Variants in CSNK1G1 observed in about 807,000 individuals in gnomAD.
CSNK1G1 encodes the protein casein kinase 1 gamma 1.
In CSNK1G1, 22 loss-of-function variants were observed where a neutral mutation model predicts 59.6. The observed-to-expected ratio is 0.37, with a 90% confidence interval of 0.26 to 0.53. The LOEUF (loss-of-function observed/expected upper bound fraction) is 0.53. Among genes scored for constraint, CSNK1G1 ranks in the 20% least tolerant of loss-of-function variants. CSNK1G1 has a pLI of 0.89. For missense variants in CSNK1G1, 384 were observed against 519.5 expected (o/e 0.74, Z 2.54); for synonymous variants, 179 against 177.1 (o/e 1.01, Z -0.08).
At chr15:64,280,347 C>T (rs1894055693) in intron 2 of CSNK1G1, among the ~76,000 whole-genome samples, 2 of 151,752 alleles carry the variant, frequency 1.3e-5, no homozygotes, top group Non-Finnish European at 2.9e-5. Context: ...CCCAGGACAA[C>T]CAGGGCAAAA....
At chr15:64,220,220 G>A (rs2082369309) in intron 4 of CSNK1G1, among the ~76,000 whole-genome samples, 1 of 151,510 alleles carries the variant, frequency 6.6e-6, no homozygotes, top group Non-Finnish European at 1.5e-5. Context: ...TCAGCCTCCT[G>A]AGTAGCTGAG....
intron 10 of CSNK1G1, among the ~76,000 whole-genome samples, chr15:64,198,181 C>T (rs1337292115): frequency 6.6e-6 from 1 of 150,536 alleles, no homozygotes; most frequent in African/African-American, 2.4e-5. Flanking sequence ...ACTTGGTATC[C>T]ACAGGATATA....
chr15:64,180,722 A>T (rs2140210188), intron 10 of CSNK1G1, among the ~76,000 whole-genome samples: 1 of 152,364 alleles, frequency 6.6e-6, no homozygotes, highest in East Asian at 1.9e-4. Context: ...TAATCCTTAC[A>T]AAAATCTTAT....
chr15:64,226,952 T>C (rs561061910), intron 4 of CSNK1G1, among the ~76,000 whole-genome samples: 79 of 152,334 alleles, frequency 5.2e-4, no homozygotes, highest in African/African-American at 1.9e-3. Context: ...TATCCATGTG[T>C]CTGTCTTCCC....
In CSNK1G1 at chr15:64,347,196, T is replaced by C. The variant is rs78926192; in HGVS notation, c.-225+8792A>G. ...GGGAACTCTTGTTATTCATTACTCGTAGGAATACAAAATGGTATAGCCACT... is the reference window on the plus strand; with the variant it reads ...GGGAACTCTTGTTATTCATTACTCGCAGGAATACAAAATGGTATAGCCACT... On this transcript the variant is annotated intron_variant, in intron 1 of 11. Coordinates refer to ENST00000303052, the MANE Select transcript of CSNK1G1 (RefSeq NM_022048.5). Among the ~76,000 whole-genome samples, 862 of 152,280 alleles carry C rather than the reference T, an allele frequency of 5.7e-3. 6 individuals carry two copies. Among genetic ancestry groups the C allele is most frequent in the Non-Finnish European group, 9.0e-3 (612 of 68,012 alleles).
chr15:64,202,110 T>C (rs1042503158), intron 10 of CSNK1G1, among the ~76,000 whole-genome samples: 1 of 152,212 alleles, frequency 6.6e-6, no homozygotes, highest in African/African-American at 2.4e-5. Flanking sequence ...CTGAGACCAC[T>C]AGTTTTCCAA....
At chr15:64,326,441 C>T (rs1339775241) in intron 1 of CSNK1G1, among the ~76,000 whole-genome samples, 1 of 152,038 alleles carries the variant, frequency 6.6e-6, no homozygotes, top group African/African-American at 2.4e-5. Flanking sequence ...GTCAGGAGTT[C>T]GAGATCAGCC....
chr15:64,247,786 T>A (rs1329958891), intron 4 of CSNK1G1, among the ~76,000 whole-genome samples: 1 of 152,186 alleles, frequency 6.6e-6, no homozygotes, highest in African/African-American at 2.4e-5. Context: ...ATGGTCATAG[T>A]CCCAGGACAA....
intron 3 of CSNK1G1, among the ~76,000 whole-genome samples, chr15:64,257,396 G>C (rs528245138): frequency 2.0e-5 from 3 of 152,040 alleles, no homozygotes; most frequent in Non-Finnish European, 4.4e-5. Context: ...TGTTCTCTTA[G>C]AAGTCCCAAA....
chr15:64,215,453 C>G (rs1045420822), intron 5 of CSNK1G1, among the ~76,000 whole-genome samples: 8 of 152,114 alleles, frequency 5.3e-5, no homozygotes, highest in African/African-American at 1.9e-4. Context: ...ACCTCATGAT[C>G]CGCCCACCTT....
At chr15:64,226,068 C>T (rs139373936) in intron 4 of CSNK1G1, among the ~76,000 whole-genome samples, 24 of 152,338 alleles carry the variant, frequency 1.6e-4, no homozygotes, top group African/African-American at 4.6e-4. Context: ...TTGCTTTGTG[C>T]GTTTTGTTCA....
chr15:64,277,568 TATAATAAA>T, intron 2 of CSNK1G1, among the ~76,000 whole-genome samples: 1 of 131,482 alleles, frequency 7.6e-6, no homozygotes, highest in Admixed American at 8.0e-5. Flanking sequence ...TAAAATTTAA[TATAATAAA>T]TATATTAATA....
At chr15:64,277,153 G>T (rs72756976) in intron 2 of CSNK1G1, among the ~76,000 whole-genome samples, 3,322 of 152,070 alleles carry the variant, frequency 0.022, 66 homozygotes, top group Non-Finnish European at 0.035. Flanking sequence ...AGTTTTGAGA[G>T]GAAATATAGA....
intron 4 of CSNK1G1, among the ~76,000 whole-genome samples, chr15:64,223,335 T>C (rs1363195620): frequency 6.6e-6 from 1 of 152,236 alleles, no homozygotes; most frequent in Non-Finnish European, 1.5e-5. Context: ...TATGAAATCC[T>C]TTAATGAGGC....
chr15:64,172,412 G>A (rs1199379822), intron 11 of CSNK1G1, among the ~76,000 whole-genome samples: 1 of 152,186 alleles, frequency 6.6e-6, no homozygotes, highest in Non-Finnish European at 1.5e-5. Context: ...ACTGGCCAGA[G>A]GGCAGGGAGG....
chr15:64,356,146 G>GGGCGGCTGGAGCCGAACC lies in CSNK1G1; in HGVS notation c.-401_-384dup, dbSNP rs1056191601. The GGGCGGCTGGAGCCGAACC allele has an allele frequency of 1.3e-5, 2 of 152,262 alleles. No homozygotes were observed. The highest frequency in any genetic ancestry group is 2.4e-5 in the African/African-American group (1 of 41,446). The allele number at this position is 152,262 out of a possible 1,614,324, so 9.4% of individuals were successfully genotyped here. On this transcript the variant is annotated 5_prime_UTR_variant, in exon 1 of 12. Transcript: ENST00000303052. ...GGGAGGGGGAAGGCGAGGAGCCGAG[G>GGGCGGCTGGAGCCGAACC]GGCGGCTGGAGCCGAACCGGAACCA... is the stretch of plus-strand genomic sequence containing the variant.
At chr15:64,259,532 A>T (rs1000299687) in intron 2 of CSNK1G1, among the ~76,000 whole-genome samples, 1 of 150,986 alleles carries the variant, frequency 6.6e-6, no homozygotes, top group Non-Finnish European at 1.5e-5. Flanking sequence ...ACATGCATGC[A>T]TATTAATATT....
intron 7 of CSNK1G1, among the ~76,000 whole-genome samples, 192 bp downstream of exon 7, chr15:64,207,317 A>G (rs945858019): frequency 9.2e-5 from 14 of 152,158 alleles, no homozygotes; most frequent in Admixed American, 3.3e-4. Flanking sequence ...GGGTCTCACT[A>G]TGTTGCTGAT....
In CSNK1G1 at chr15:64,224,522, A is replaced by T. The variant is rs1383769369; in HGVS notation, c.293-7809T>A. On this transcript the variant is annotated intron_variant, in intron 4 of 11. Coordinates refer to ENST00000303052, the MANE Select transcript of CSNK1G1 (RefSeq NM_022048.5). The stretch of plus-strand genomic sequence containing the variant: ...AGATAATACGTAGTATATCTTTTTT[A>T]AAAAAGAACAAACAATCCCTCTCAT... 2.0e-5 allele frequency among the ~76,000 whole-genome samples: 3 copies of T among 152,304 alleles called. No individual in the cohort carries two copies. The East Asian group carries it at 5.8e-4, about 29-fold the overall frequency.
Sources: allele counts gnomAD v4.1 joint callset (sites outside exome capture counted in the v4.1 genomes callset), GRCh38; gene constraint gnomAD v4.1.1; transcripts MANE v1.5; gene names NCBI Gene and HGNC (gene_info 2026-07-23, HGNC 2026-07-21).